PCGF3: variants seen among roughly 807,000 people sequenced by gnomAD.
The protein encoded by PCGF3 is polycomb group ring finger 3.
In PCGF3, 7 loss-of-function variants were observed where a neutral mutation model predicts 33.1. The ratio of observed to expected loss-of-function variants is 0.21; its 90% CI spans 0.12 to 0.40. The LOEUF is 0.40. PCGF3 is among the 10% of genes least tolerant of loss of function. The pLI is 1.00. For synonymous variants in PCGF3, 153 were observed against 121.3 expected, an observed-to-expected ratio of 1.26 and a Z score of -1.72; for missense variants, 211 against 313.3, an observed-to-expected ratio of 0.67 and a Z score of 2.46.
At chr4:717,730 T>C (rs979756882) in intron 1 of PCGF3, among the ~76,000 whole-genome samples, 24 of 152,292 alleles carry the variant, frequency 1.6e-4, no homozygotes, top group Non-Finnish European at 2.5e-4. Flanking sequence ...GAGATGACAT[T>C]GAGAAGAGGC....
intron 1 of PCGF3, among the ~76,000 whole-genome samples, chr4:714,381 C>T (rs142700027): frequency 8.4e-4 from 128 of 152,310 alleles, no homozygotes; most frequent in South Asian, 4.1e-3. Flanking sequence ...CACCTGTGAG[C>T]GGCTCCGGAC....
chr4:733,657 C>A lies in PCGF3; in HGVS notation c.-9-15C>A, dbSNP rs776757740. The A allele has an allele frequency of 6.3e-7, 1 of 1,591,814 alleles. No homozygotes were observed. Among genetic ancestry groups the A allele is most frequent in the Admixed American group, 1.7e-5 (1 of 58,712 alleles). ...AAGAGTTTCAGGTGTTAATTAATCG[C>A]GTTTTCTCTTGTAGAAGCCAAAGAT... On this transcript the variant is annotated splice_polypyrimidine_tract_variant and intron_variant, in intron 3 of 10. Coordinates refer to ENST00000362003, the Ensembl canonical transcript of PCGF3.
chr4:724,131 C>G (rs536639243), intron 1 of PCGF3: 109 of 152,544 alleles, frequency 7.1e-4, no homozygotes, highest in Non-Finnish European at 1.2e-3. Context: ...AGACTCAGGG[C>G]AGATGGTGGT....
rs538062274 is a variant in PCGF3, at chr4:761,214, G to A, written c.463-65G>A. ...TGAGGAATTAGTGAAATATGTCTAA[G>A]GAAGCCTCCAGAACCGTCCGGGGGA... On this transcript the variant is annotated intron_variant, in intron 8 of 10. Coordinates refer to ENST00000362003, the Ensembl canonical transcript of PCGF3. The A allele has an allele frequency of 4.1e-5, 57 of 1,394,968 alleles. No homozygotes were observed. In the African/African-American group the frequency reaches 7.6e-4, roughly 19 times the overall value. The allele number at this position is 1,394,968 out of a possible 1,614,324, so 86.4% of individuals were successfully genotyped here. A position where few individuals can be genotyped will look rare whatever the true frequency, so the allele number is the denominator to read the frequency against.
exon 7 of PCGF3, chr4:743,496 G>C (rs1393156105): frequency 6.2e-7 from 1 of 1,612,612 alleles, no homozygotes; most frequent in South Asian, 1.1e-5. Context: ...AGCAGAGGGA[G>C]TTCTATCACA....
intron 9 of PCGF3, chr4:764,422 C>T: frequency 6.8e-6 from 1 of 147,566 alleles, no homozygotes; most frequent in Non-Finnish European, 1.5e-5. Flanking sequence ...TGGGAGGGGG[C>T]TGGTGTGGAC....
chr4:727,301 C>T (rs1005538659), intron 1 of PCGF3, among the ~76,000 whole-genome samples: 11 of 129,754 alleles, frequency 8.5e-5, no homozygotes, highest in Non-Finnish European at 1.2e-4. Flanking sequence ...GAGTGCAAGG[C>T]GCGATCTCGG....
chr4:760,614 G>A (rs955187569), intron 8 of PCGF3, among the ~76,000 whole-genome samples: 1 of 152,206 alleles, frequency 6.6e-6, no homozygotes, highest in Admixed American at 6.5e-5. Flanking sequence ...TAACTGTGCC[G>A]TTTGTTGCGG....
Position 733,409 on chromosome 4 carries a change from G to A in PCGF3, c.-9-263G>A, listed in dbSNP as rs1577413772. ...CTCAGTCCTCACTGCAGGAGGAGAGGAGGGGGTGTTGGGCACAGAGAGAAG... is the reference window on the plus strand; with the variant it reads ...CTCAGTCCTCACTGCAGGAGGAGAGAAGGGGGTGTTGGGCACAGAGAGAAG... On this transcript the variant is annotated intron_variant, in intron 3 of 10. Coordinates refer to ENST00000362003, the Ensembl canonical transcript of PCGF3. Among the ~76,000 whole-genome samples, 3 of 152,250 alleles carry A rather than the reference G, an allele frequency of 2.0e-5. No individual in the cohort carries two copies. In the South Asian group the frequency reaches 6.2e-4, roughly 32 times the overall value.
At chr4:734,555 A>G (rs959580333) in intron 4 of PCGF3, 3 of 1,166,852 alleles carry the variant, frequency 2.6e-6, no homozygotes, top group African/African-American at 1.6e-5. Flanking sequence ...ATTTGATTTT[A>G]TCTAGTTGTA....
chr4:752,491 C>T (rs1224284207), intron 8 of PCGF3, among the ~76,000 whole-genome samples: 1 of 152,252 alleles, frequency 6.6e-6, no homozygotes, highest in Non-Finnish European at 1.5e-5. Flanking sequence ...GCTCTTTTCC[C>T]CCAGCTGCTG....
rs1486899974 is a variant in PCGF3, at chr4:758,633, C to A, written c.463-2646C>A. 2.4e-5 allele frequency among the ~76,000 whole-genome samples: 3 copies of A among 126,442 alleles called. No homozygotes were observed. In the East Asian group the frequency reaches 7.2e-4, roughly 30 times the overall value. 83.0% of individuals were successfully genotyped at this position (126,442 alleles called of 152,430 possible). The stretch of plus-strand genomic sequence containing the variant: ...ACTCCAGTTCTTTCTCCCCGCGCGG[C>A]CCCTCTCCCGAGTTCTTCTCCTTCC... On this transcript the variant is annotated intron_variant, in intron 8 of 10. Coordinates refer to ENST00000362003, the Ensembl canonical transcript of PCGF3.
intron 3 of PCGF3, among the ~76,000 whole-genome samples, chr4:732,232 A>C (rs1743603449): frequency 7.1e-6 from 1 of 140,428 alleles, no homozygotes; most frequent in Non-Finnish European, 1.5e-5. Flanking sequence ...TTAGGGGCGT[A>C]GGGTGGGGCT....
rs57690550 is a variant in PCGF3, at chr4:727,233, CTTTTTTTTT to C, written c.-189-3380_-189-3372del. Among the ~76,000 whole-genome samples the C allele has an allele frequency of 1.1e-4, 7 of 61,892 alleles. 1 individual carries two copies. Among genetic ancestry groups the C allele is most frequent in the Admixed American group, 4.6e-4 (2 of 4,388 alleles). The allele number at this position is 61,892 out of a possible 152,430, so 40.6% of individuals were successfully genotyped here. A position where few individuals can be genotyped will look rare whatever the true frequency, so the allele number is the denominator to read the frequency against. ...AGAGGATGTGTGTGTTAGCGAGCGT[CTTTTTTTTT>C]TTTTTTTTTTTTTTTTGAGATGGAG... On this transcript the variant is annotated intron_variant, in intron 1 of 10. Transcript: ENST00000362003.
intron 1 of PCGF3, among the ~76,000 whole-genome samples, chr4:725,492 G>T (rs2109568690): frequency 6.6e-6 from 1 of 152,368 alleles, no homozygotes; most frequent in South Asian, 2.1e-4. Context: ...CGTGAGGAGG[G>T]AGTAGGAACG....
At chr4:733,863 T>G in intron 4 of PCGF3, 74 bp downstream of exon 4, 2 of 1,611,476 alleles carry the variant, frequency 1.2e-6, no homozygotes, top group Non-Finnish European at 1.7e-6. Flanking sequence ...CCTTGGCTTT[T>G]GTGTTACCAC....
chr4:754,943 G>C (rs1002201197), intron 8 of PCGF3, among the ~76,000 whole-genome samples: 2 of 152,356 alleles, frequency 1.3e-5, no homozygotes, highest in East Asian at 1.9e-4. Flanking sequence ...TCCAGATGCA[G>C]ATGGCAGATC....
chr4:769,915 T>C (rs955571123), exon 11 of PCGF3: 5 of 152,682 alleles, frequency 3.3e-5, no homozygotes, highest in African/African-American at 4.8e-5. Flanking sequence ...TTTGAAAGTT[T>C]ACATTTTTTA....
At chr4:767,936 G>C (rs551463213) in exon 11 of PCGF3, 2 of 152,770 alleles carry the variant, frequency 1.3e-5, no homozygotes, top group African/African-American at 4.8e-5. Context: ...TGTAACGTTA[G>C]AACTTAGGCA....
Sources: gnomAD v4.1 joint callset for allele counts (sites outside exome capture counted in the v4.1 genomes callset) on GRCh38, gnomAD v4.1.1 for gene constraint, MANE v1.5 for transcripts, NCBI Gene and HGNC (gene_info 2026-07-23, HGNC 2026-07-21) for gene names.